The following LMF1 variants were observed in gnomAD, a reference collection of about 807,000 sequenced individuals.
LMF1 encodes the protein lipase maturation factor 1, also known as transmembrane protein 112.
LMF1 carries 68 observed loss-of-function variants against 60.6 expected under a neutral mutation model. The observed-to-expected ratio is 1.12, with a 90% CI of 0.92 to 1.37. The LOEUF is 1.37. LMF1 is among the 40% of genes most tolerant of loss of function. LMF1 has a pLI of 0.00. For missense variants in LMF1, 948 were observed against 767.2 expected, an observed-to-expected ratio of 1.24 and a Z score of -2.78; for synonymous variants, 418 against 324.7, an observed-to-expected ratio of 1.29 and a Z score of -3.09.
chr16:869,417 C>A (rs2069709810), intron 9 of LMF1: 1 of 562,886 alleles, frequency 1.8e-6, no homozygotes, highest in Non-Finnish European at 3.4e-6. Context: ...TCTGCTACCC[C>A]CAGCCCTGGG....
chr16:951,774 C>T (rs1264464901), intron 2 of LMF1, among the ~76,000 whole-genome samples: 1 of 152,250 alleles, frequency 6.6e-6, no homozygotes, highest in Non-Finnish European at 1.5e-5. Flanking sequence ...GTGAAGACTG[C>T]AGAGCGACGT....
intron 6 of LMF1, among the ~76,000 whole-genome samples, chr16:875,122 T>C (rs985891574): frequency 6.6e-6 from 1 of 152,136 alleles, no homozygotes; most frequent in Admixed American, 6.5e-5. Context: ...TGACGCAGCC[T>C]GACCTCCGAG....
At chr16:934,742 G>A (rs938817988) in intron 2 of LMF1, among the ~76,000 whole-genome samples, 3 of 152,216 alleles carry the variant, frequency 2.0e-5, no homozygotes, top group Non-Finnish European at 2.9e-5. Flanking sequence ...GCTGTGACCC[G>A]CTTCTTACCC....
In LMF1 at chr16:857,041, C is replaced by T. The variant is rs150480915; in HGVS notation, c.1530-2335G>A. Among the ~76,000 whole-genome samples, 692 of 152,374 alleles carry T rather than the reference C, an allele frequency of 4.5e-3. 3 individuals are homozygous for T. Among genetic ancestry groups the T allele is most frequent in the East Asian group, 7.7e-3 (40 of 5,188 alleles). ...AGTGGAACCCTGCGGCACGTACCCG[C>T]GGGGCAGGCGATTCTCACGCCAATT... On this transcript the variant is annotated intron_variant, in intron 10 of 10. Transcript: ENST00000262301.
chr16:867,489 A>C (rs1004857044), intron 10 of LMF1, among the ~76,000 whole-genome samples: 3 of 152,140 alleles, frequency 2.0e-5, no homozygotes, highest in Non-Finnish European at 4.4e-5. Context: ...GAGACGGGGC[A>C]GTAACAGAGA....
upstream of LMF1, among the ~76,000 whole-genome samples, chr16:974,381 CGTCCTGAGAGT>C (rs1351585194): frequency 6.6e-6 from 1 of 152,090 alleles, no homozygotes; most frequent in Non-Finnish European, 1.5e-5. Flanking sequence ...AGGAGGAGGG[CGTCCTGAGAGT>C]GCCCTGTCAA....
chr16:963,917 T>C, intron 1 of LMF1: 2 of 382,754 alleles, frequency 5.2e-6, no homozygotes, highest in South Asian at 3.6e-5. Context: ...GTAAAAATCT[T>C]GAAACATCAC....
At chr16:937,404 C>T (rs958624339) in intron 2 of LMF1, among the ~76,000 whole-genome samples, 3 of 152,212 alleles carry the variant, frequency 2.0e-5, no homozygotes, top group Non-Finnish European at 4.4e-5. Flanking sequence ...GGGGTTAACA[C>T]GCTCCCTCTG....
At chr16:901,233 A>G (rs1162343655) in intron 4 of LMF1, 1 of 152,190 alleles carries the variant, frequency 6.6e-6, no homozygotes, top group Non-Finnish European at 1.5e-5. Flanking sequence ...GAACATACGC[A>G]ACCGAGACCT....
chr16:879,527 G>C lies in LMF1; in HGVS notation c.897+43C>G, dbSNP rs910008336. The C allele has an allele frequency of 4.4e-6, 7 of 1,601,136 alleles. No individual in the cohort carries two copies. In the Admixed American group the frequency reaches 8.4e-5, roughly 19 times the overall value. ...CAGCCAGAAATAGGGCGACGGGCCA[G>C]CGTCTCTGTGGACACGGGGCAGGGC... On this transcript the variant is annotated intron_variant, in intron 6 of 10. Coordinates refer to ENST00000262301, the MANE Select transcript of LMF1 (RefSeq NM_022773.4).
At chr16:893,927 A>G (rs947587076) in intron 4 of LMF1, among the ~76,000 whole-genome samples, 1 of 152,106 alleles carries the variant, frequency 6.6e-6, no homozygotes, top group African/African-American at 2.4e-5. Context: ...CGCCTCCTCC[A>G]TGACAGGGGT....
rs1390400265 is a variant in LMF1, at chr16:854,093, C to T, written c.*439G>A. ...AGGGACTTGGCTCTGAGGGTCAGGA[C>T]CTGGCTGGGAACACACCATTGAAGA... is the stretch of plus-strand genomic sequence containing the variant. On this transcript the variant is annotated 3_prime_UTR_variant, in exon 11 of 11. Coordinates refer to ENST00000262301, the MANE Select transcript of LMF1 (RefSeq NM_022773.4). 4.4e-6 allele frequency: 2 copies of T among 457,776 alleles called. No individual in the cohort carries two copies. Among genetic ancestry groups the T allele is most frequent in the Non-Finnish European group, 8.7e-6 (2 of 229,442 alleles). The allele number at this position is 457,776 out of a possible 1,614,324, so 28.4% of individuals were successfully genotyped here.
chr16:902,970 G>T (rs1207978124), intron 4 of LMF1, among the ~76,000 whole-genome samples: 1 of 72,076 alleles, frequency 1.4e-5, no homozygotes, highest in Non-Finnish European at 2.4e-5. Flanking sequence ...CCGTGGGGAC[G>T]CCTGTCTCTG....
At chr16:892,604 G>T (rs956454180) in intron 5 of LMF1, among the ~76,000 whole-genome samples, 1 of 152,256 alleles carries the variant, frequency 6.6e-6, no homozygotes, top group Non-Finnish European at 1.5e-5. Context: ...TCCAGGTAAC[G>T]ATGGAGCCAC....
rs1327105233 is a variant in LMF1 at position 936,425 on chromosome 16, G to A, written c.504-2171C>T. Among the ~76,000 whole-genome samples, 11 of 137,916 alleles carry A rather than the reference G, an allele frequency of 8.0e-5. 1 individual carries two copies. Among genetic ancestry groups the A allele is most frequent in the African/African-American group, 2.5e-4 (9 of 35,614 alleles). 90.5% of individuals were successfully genotyped at this position (137,916 alleles called of 152,430 possible). A position where few individuals can be genotyped will look rare whatever the true frequency, so the allele number is the denominator to read the frequency against. ...GGCTGGGAGGGAGAGAGGGCACCCC[G>A]TGGGCTGAGGAAGGAGGCTGGGAGG... On this transcript the variant is annotated intron_variant, in intron 2 of 10. Coordinates refer to ENST00000262301, the MANE Select transcript of LMF1 (RefSeq NM_022773.4).
rs2072636141 is a variant in LMF1 at position 954,908 on chromosome 16, C to CCAGACACG, written c.194-243_194-242insCGTGTCTG. The stretch of plus-strand genomic sequence containing the variant: ...ATACACGCATACACATCTAAGTGAA[C>CCAGACACG]TAGACACGTTACATAAAATGCGTGC... On this transcript the variant is annotated intron_variant, in intron 1 of 10. Transcript: ENST00000262301. 3.4e-5 allele frequency among the ~76,000 whole-genome samples: 5 copies of CCAGACACG among 145,586 alleles called. 1 individual carries two copies. Among genetic ancestry groups the CCAGACACG allele is most frequent in the Non-Finnish European group, 6.1e-5 (4 of 65,622 alleles).
chr16:877,595 A>C (rs553654517), intron 6 of LMF1, among the ~76,000 whole-genome samples: 1 of 152,352 alleles, frequency 6.6e-6, no homozygotes, highest in African/African-American at 2.4e-5. Flanking sequence ...CTCAACATCC[A>C]TTCATGGCTA....
At chr16:940,008 C>T (rs2072052887) in intron 2 of LMF1, among the ~76,000 whole-genome samples, 1 of 152,102 alleles carries the variant, frequency 6.6e-6, no homozygotes, top group Non-Finnish European at 1.5e-5. Context: ...CACAGACGTC[C>T]TCATCAGAGA....
intron 3 of LMF1, among the ~76,000 whole-genome samples, chr16:912,219 C>T (rs1398910606): frequency 6.6e-6 from 1 of 151,790 alleles, no homozygotes; most frequent in Non-Finnish European, 1.5e-5. Flanking sequence ...GGGATGCAGA[C>T]AGAGACTCGC....
Sources: allele counts gnomAD v4.1 joint callset (sites outside exome capture counted in the v4.1 genomes callset), GRCh38; gene constraint gnomAD v4.1.1; transcripts MANE v1.5; gene names NCBI Gene and HGNC (gene_info 2026-07-23, HGNC 2026-07-21).